The following POU3F3 variants were observed in gnomAD, a reference collection of about 807,000 sequenced individuals.
POU3F3 encodes the protein POU domain, class 3, transcription factor 3.
POU3F3 carries 1 observed loss-of-function variant against 8.6 expected under a neutral mutation model. That is an observed-to-expected ratio of 0.12 (90% CI 0.04 to 0.55). The LOEUF is 0.55. Among genes scored for constraint, POU3F3 ranks in the 20% least tolerant of loss-of-function variants. The probability of loss-of-function intolerance (pLI) is 0.91; values close to 1 mark genes in which losing one functional copy is unlikely to be tolerated. For synonymous variants in POU3F3, 418 were observed against 327.4 expected (o/e 1.28, Z -2.99); for missense variants, 577 against 690.7 (o/e 0.84, Z 1.84).
chr2:104,918,483 G>A, the POU3F3 span, among the ~76,000 whole-genome samples: 24 of 152,194 alleles, frequency 1.6e-4, no homozygotes, highest in Admixed American at 9.8e-4. Flanking sequence ...CTGGTGGAGG[G>A]TGGGCCCTAA....
the POU3F3 span, among the ~76,000 whole-genome samples, chr2:104,919,536 C>T: frequency 9.2e-5 from 14 of 152,290 alleles, no homozygotes; most frequent in African/African-American, 2.4e-4. Context: ...ACCTCCTGGC[C>T]CATCAATCCC....
the POU3F3 span, among the ~76,000 whole-genome samples, chr2:104,914,230 T>C: frequency 6.6e-6 from 1 of 152,352 alleles, no homozygotes; most frequent in Non-Finnish European, 1.5e-5. Context: ...GAGGCTGTTT[T>C]CCAGCACATT....
chr2:104,863,366 G>A (rs1217667623), downstream of POU3F3, among the ~76,000 whole-genome samples: 2 of 152,000 alleles, frequency 1.3e-5, no homozygotes, highest in African/African-American at 2.4e-5. Flanking sequence ...GCTGGAGGCT[G>A]GAGTCGGCTC....
the POU3F3 span, among the ~76,000 whole-genome samples, chr2:104,877,660 C>CTTTTTTT: frequency 2.2e-5 from 3 of 138,834 alleles, no homozygotes; most frequent in Non-Finnish European, 4.7e-5. Context: ...TTCTTTTTTT[C>CTTTTTTT]TTTTTTTTTT....
the POU3F3 span, among the ~76,000 whole-genome samples, chr2:104,864,933 T>C: frequency 6.6e-6 from 1 of 152,194 alleles, no homozygotes; most frequent in South Asian, 2.1e-4. Context: ...GACACGTGCG[T>C]GTGTGTCTGT....
At chr2:104,860,542 TC>T (rs1240624228), downstream of POU3F3, among the ~76,000 whole-genome samples, 1 of 151,894 alleles carries the variant, frequency 6.6e-6, no homozygotes, top group Non-Finnish European at 1.5e-5. Flanking sequence ...CAACCCCCCC[TC>T]CCCTTCCAAC....
At chr2:104,858,801 C>T (rs12996884), downstream of POU3F3, among the ~76,000 whole-genome samples, 93,011 of 151,992 alleles carry the variant, frequency 0.61, 28,681 homozygotes, top group East Asian at 0.76. Flanking sequence ...TTTTTCTCTC[C>T]CTTAATTTTA....
At chr2:104,874,970 C>T in the POU3F3 span, among the ~76,000 whole-genome samples, 1 of 152,196 alleles carries the variant, frequency 6.6e-6, no homozygotes, top group African/African-American at 2.4e-5. Flanking sequence ...ACTCGCTACT[C>T]ATTAAGTAAT....
chr2:104,927,652 G>A, the POU3F3 span, among the ~76,000 whole-genome samples: 1 of 72,194 alleles, frequency 1.4e-5, no homozygotes, highest in Non-Finnish European at 2.6e-5. Context: ...GAAAGCTGGG[G>A]CGGGGGATTG....
At chr2:104,910,472 C>T in the POU3F3 span, among the ~76,000 whole-genome samples, 1 of 152,162 alleles carries the variant, frequency 6.6e-6, no homozygotes, top group Non-Finnish European at 1.5e-5. Flanking sequence ...CATGCAACTA[C>T]AGGCAGATCG....
In POU3F3 at chr2:104,855,115, C is replaced by A. The variant is rs531823186; in HGVS notation, c.-396C>A. ...GAGCCCCGCTGGAGCGAGCCCAGCG[C>A]GCCGGGGCTGGGGGGCGGCCACGAC... On this transcript the variant is annotated 5_prime_UTR_variant, in exon 1 of 1. Coordinates refer to ENST00000361360, the MANE Select transcript of POU3F3 (RefSeq NM_006236.3). 6.6e-6 allele frequency among the ~76,000 whole-genome samples: 1 copy of A among 151,780 alleles called. No individual in the cohort carries two copies. Among genetic ancestry groups the A allele is most frequent in the Non-Finnish European group, 1.5e-5 (1 of 67,882 alleles).
chr2:104,876,644 C>T, the POU3F3 span, among the ~76,000 whole-genome samples: 1 of 152,062 alleles, frequency 6.6e-6, no homozygotes, highest in East Asian at 1.9e-4. Context: ...TGAAAGTATC[C>T]AGAGTGGGCA....
At chr2:104,874,658 G>C in the POU3F3 span, among the ~76,000 whole-genome samples, 1 of 152,134 alleles carries the variant, frequency 6.6e-6, no homozygotes, top group East Asian at 1.9e-4. Context: ...GATTGCAGGG[G>C]AAGATGATAG....
rs755018949 is a variant in POU3F3 at position 104,855,834 on chromosome 2, C to CGCCGCT, written c.330_335dup (p.Ala114_Ala115dup). The CGCCGCT allele has an allele frequency of 1.8e-6, 2 of 1,109,870 alleles. No homozygotes were observed. The highest frequency in any genetic ancestry group is 1.1e-6 in the Non-Finnish European group (1 of 911,154). 68.8% of individuals were successfully genotyped at this position (1,109,870 alleles called of 1,614,324 possible). A position where few individuals can be genotyped will look rare whatever the true frequency, so the allele number is the denominator to read the frequency against. ...CCCTGCCCCACGCCGCCGCCGCCGC[C>CGCCGCT]GCCGCTGCCGCCGCCGCCGCCGTGG... On this transcript the variant is annotated inframe_insertion, in exon 1 of 1. Transcript: ENST00000361360.
chr2:104,886,724 A>C, the POU3F3 span, among the ~76,000 whole-genome samples: 2 of 152,112 alleles, frequency 1.3e-5, no homozygotes, highest in Admixed American at 6.5e-5. Context: ...CCTGGCCAAC[A>C]TGGTGAAACC....
chr2:104,866,620 CTG>C, the POU3F3 span: 1 of 152,166 alleles, frequency 6.6e-6, no homozygotes, highest in Admixed American at 6.5e-5. Context: ...ACAGAATCCT[CTG>C]TGGGGAGAAG....
At chr2:104,878,961 A>G in the POU3F3 span, among the ~76,000 whole-genome samples, 1 of 152,040 alleles carries the variant, frequency 6.6e-6, no homozygotes, top group Non-Finnish European at 1.5e-5. Flanking sequence ...AATACAACAC[A>G]TAGCACACTC....
the POU3F3 span, among the ~76,000 whole-genome samples, chr2:104,889,728 CCT>C: frequency 6.6e-6 from 1 of 152,212 alleles, no homozygotes; most frequent in South Asian, 2.1e-4. Flanking sequence ...TCTTCATGTT[CCT>C]ACCTGGCATC....
the POU3F3 span, among the ~76,000 whole-genome samples, chr2:104,927,432 T>G: frequency 6.6e-6 from 1 of 151,996 alleles, no homozygotes; most frequent in Non-Finnish European, 1.5e-5. Context: ...GGGATTTAAC[T>G]CTCTGATAAA....
Sources: allele counts gnomAD v4.1 joint callset (sites outside exome capture counted in the v4.1 genomes callset), GRCh38; gene constraint gnomAD v4.1.1; transcripts MANE v1.5; gene names NCBI Gene and HGNC (gene_info 2026-07-23, HGNC 2026-07-21).